The following KNL1 variants were observed in gnomAD, a reference collection of about 807,000 sequenced individuals.
The protein encoded by KNL1 is outer kinetochore KNL1 complex subunit KNL1.
Under a neutral mutation model 201.3 loss-of-function variants are expected in KNL1, and 66 were observed. That is an observed-to-expected ratio of 0.33 (90% confidence interval 0.27 to 0.40). The LOEUF is 0.40. Ranked by LOEUF, KNL1 falls within the 10% of genes least tolerant of loss-of-function variation. The pLI, the probability that KNL1 is intolerant of heterozygous loss-of-function variation, is 1.00. For synonymous variants in KNL1, 895 were observed against 899.2 expected (o/e 1.00, Z 0.08); for missense variants, 2,815 against 2,690.5 (o/e 1.05, Z -1.02).
At chr15:40,608,431 TG>T (rs1231117655) in intron 4 of KNL1, among the ~76,000 whole-genome samples, 2 of 126,272 alleles carry the variant, frequency 1.6e-5, no homozygotes, top group East Asian at 2.2e-4. Flanking sequence ...AAAACCGTCT[TG>T]GAAAAAAAAA....
intron 23 of KNL1, 41 bp downstream of exon 23, chr15:40,657,192 T>A (rs765413719): frequency 1.5e-6 from 2 of 1,309,172 alleles, no homozygotes; most frequent in Non-Finnish European, 1.1e-6. Context: ...ATTTGTGATA[T>A]CTTTCCAAAA....
At chr15:40,619,287 G>C (rs1408774858) in intron 9 of KNL1, among the ~76,000 whole-genome samples, 1 of 151,458 alleles carries the variant, frequency 6.6e-6, no homozygotes, top group East Asian at 1.9e-4. Context: ...CAAGTCCATA[G>C]GCCATACTTT....
At chr15:40,628,731 C>T (rs1053384691) in intron 12 of KNL1, 53 bp downstream of exon 12, 255 of 1,166,596 alleles carry the variant, frequency 2.2e-4, no homozygotes, top group Middle Eastern at 1.2e-3. Context: ...GAGGTTTAAA[C>T]GTCTCATTTC....
At chr15:40,659,079 G>A (rs1266316684) in intron 24 of KNL1, among the ~76,000 whole-genome samples, 1 of 152,078 alleles carries the variant, frequency 6.6e-6, no homozygotes, top group Admixed American at 6.6e-5. Flanking sequence ...CTGAGGTCAG[G>A]AGTTTGAGGC....
chr15:40,610,344 T>G (rs1438703329), intron 6 of KNL1, 47 bp downstream of exon 6: 1 of 963,058 alleles, frequency 1.0e-6, no homozygotes, highest in Non-Finnish European at 1.7e-6. Context: ...TTTAAAAAAT[T>G]TTACTGTAGC....
At chr15:40,638,246 AGGGAGGG>A (rs1302395771) in intron 13 of KNL1, among the ~76,000 whole-genome samples, 1 of 50,118 alleles carries the variant, frequency 2.0e-5, no homozygotes, top group African/African-American at 7.9e-5. Flanking sequence ...GGGGAGGGGA[AGGGAGGG>A]GGGAGGGGGA....
intron 1 of KNL1, among the ~76,000 whole-genome samples, chr15:40,602,707 A>G (rs1336919626): frequency 6.8e-6 from 1 of 146,016 alleles, no homozygotes; most frequent in Non-Finnish European, 1.5e-5. Context: ...CTGATCTCAA[A>G]CTTCTGACCT....
intron 22 of KNL1, among the ~76,000 whole-genome samples, chr15:40,655,823 G>A (rs1464869773): frequency 6.6e-6 from 1 of 151,672 alleles, no homozygotes; most frequent in Non-Finnish European, 1.5e-5. Context: ...GGCTGAGGCA[G>A]GAGAATGGCG....
chr15:40,611,853 TTCA>T (rs1194050039), intron 7 of KNL1, among the ~76,000 whole-genome samples: 7 of 152,170 alleles, frequency 4.6e-5, no homozygotes, highest in African/African-American at 1.7e-4. Context: ...GTTATCTTTA[TTCA>T]TCATAAGAGA....
Position 40,651,477 on chromosome 15 carries a change from C to T in KNL1, c.6219C>T (p.Leu2073=). ...KTEEEELQRN[L]LELEVQKEQT... ...TACCTGCTTTTATTTGCAGAAATCT[C>T]TTAGAACTGGAGGTACAAAAAGAGC... The change falls in exon 20 of 26, where the codon CTC becomes CTT. Residue 2073 remains leucine (L), a synonymous_variant. Coordinates refer to ENST00000399668, the MANE Select transcript of KNL1 (RefSeq NM_144508.5). The T allele has an allele frequency of 1.9e-6, 3 of 1,595,140 alleles. No homozygotes were observed. Among genetic ancestry groups the T allele is most frequent in the East Asian group, 2.2e-5 (1 of 44,532 alleles).
At position 40,625,294 on chromosome 15, in the gene KNL1, A is replaced by G; in HGVS notation, c.5030A>G (p.Asp1677Gly). ...GATGACCTGGAACAGATTCCAGCAG[A>G]CACAACTGATATAAATCACTTAGAA... ...GIDDLEQIPADTTDINHLETQ... is the reference protein window; with the variant it reads ...GIDDLEQIPAGTTDINHLETQ... The change falls in exon 10 of 26, where the codon GAC becomes GGC. Residue 1677 changes from aspartate (D) to glycine (G), a missense_variant. By Grantham distance (94) the Asp-to-Gly change is moderately conservative. Around this residue, in one of 3 missense-constraint regions of KNL1, gnomAD observed 2,464 missense variants for 2,291.7 expected, o/e 1.08. Coordinates refer to ENST00000399668, the MANE Select transcript of KNL1 (RefSeq NM_144508.5). The G allele has an allele frequency of 6.2e-7, 1 of 1,614,128 alleles. No individual in the cohort carries two copies. The highest frequency in any genetic ancestry group is 1.1e-5 in the South Asian group (1 of 91,082).
Position 40,624,747 on chromosome 15 carries a change from A to C in KNL1, c.4483A>C (p.Ser1495Arg), listed in dbSNP as rs781736494. The C allele has an allele frequency of 1.2e-6, 2 of 1,613,924 alleles. No homozygotes were observed. Among genetic ancestry groups the C allele is most frequent in the East Asian group, 4.5e-5 (2 of 44,864 alleles). ...TGAAAACAAGCCCAAAATACTCAAT[A>C]GTGAGGAATGGTTTGCTGCAGCCTG... The part of the protein sequence containing the change: ...ICENKPKILN[S>R]EEWFAAACKK... The change falls in exon 10 of 26, where the codon AGT becomes CGT. Residue 1495 changes from serine to arginine, a missense_variant. Physicochemically the swap from Ser to Arg is moderately radical, Grantham distance 110 (BLOSUM62 -1). Around this residue, in one of 3 missense-constraint regions of KNL1, gnomAD observed 2,464 missense variants for 2,291.7 expected, o/e 1.08. Coordinates refer to ENST00000399668, the MANE Select transcript of KNL1 (RefSeq NM_144508.5).
chr15:40,622,709 A>G lies in KNL1; in HGVS notation c.2445A>G (p.Lys815=), dbSNP rs767404211. 3 of 1,591,082 alleles carry G rather than the reference A, an allele frequency of 1.9e-6. No homozygotes were observed. The highest frequency in any genetic ancestry group is 4.5e-5 in the East Asian group (2 of 44,804). The change falls in exon 10 of 26, where the codon AAA becomes AAG. Residue 815 remains lysine, a synonymous_variant. Transcript: ENST00000399668. Reference sequence around the variant, plus strand: ...AATGTGGTAAAAGTCCCATAGAAAAAAGTGGAGTGCTTAAATCTAACTGTA... The same window carrying G: ...AATGTGGTAAAAGTCCCATAGAAAAGAGTGGAGTGCTTAAATCTAACTGTA... ...VEKCGKSPIE[K]SGVLKSNCIM...
intron 13 of KNL1, among the ~76,000 whole-genome samples, chr15:40,637,555 G>T (rs922966026): frequency 5.3e-5 from 8 of 152,108 alleles, no homozygotes; most frequent in African/African-American, 1.9e-4. Flanking sequence ...TTTGAGTGCT[G>T]ACGTGACACC....
intron 16 of KNL1, among the ~76,000 whole-genome samples, chr15:40,646,188 A>G (rs1458045606): frequency 6.6e-6 from 1 of 152,212 alleles, no homozygotes; most frequent in Non-Finnish European, 1.5e-5. Context: ...TCCATTGGCA[A>G]GTAAGTATGG....
intron 1 of KNL1, among the ~76,000 whole-genome samples, 176 bp downstream of exon 1, chr15:40,594,568 C>T (rs2141688028): frequency 6.6e-6 from 1 of 152,316 alleles, no homozygotes; most frequent in East Asian, 1.9e-4. Context: ...CCCTTTTTCC[C>T]CTCCTCGGCC....
chr15:40,607,940 T>G (rs979118856), intron 4 of KNL1, among the ~76,000 whole-genome samples: 11 of 152,226 alleles, frequency 7.2e-5, no homozygotes, highest in Non-Finnish European at 1.5e-4. Flanking sequence ...ACAATTCCAC[T>G]TCTGGATATA....
Position 40,625,275 on chromosome 15 carries a change from C to T in KNL1, c.5011C>T (p.Leu1671=). Residue 1671 remains leucine (L), a synonymous_variant, in exon 10 of 26, where the codon CTG becomes TTG. Transcript: ENST00000399668. Reference sequence around the variant, plus strand: ...TTGTAGTGTCACTGGTATTGATGACCTGGAACAGATTCCAGCAGACACAAC... The same window carrying T: ...TTGTAGTGTCACTGGTATTGATGACTTGGAACAGATTCCAGCAGACACAAC... ...RNCSVTGIDD[L]EQIPADTTDI... 6.2e-7 allele frequency: 1 copy of T among 1,614,066 alleles called. No individual in the cohort carries two copies. Among genetic ancestry groups the T allele is most frequent in the Non-Finnish European group, 8.5e-7 (1 of 1,179,980 alleles).
chr15:40,647,473 C>CA (rs926509422), intron 17 of KNL1, among the ~76,000 whole-genome samples: 1 of 150,822 alleles, frequency 6.6e-6, no homozygotes, highest in Non-Finnish European at 1.5e-5. Context: ...GACTCCATCT[C>CA]AAAAAAAATA....
Sources: allele counts gnomAD v4.1 joint callset (sites outside exome capture counted in the v4.1 genomes callset), GRCh38; gene constraint gnomAD v4.1.1; regional missense constraint gnomAD v4.1.1; transcripts MANE v1.5; gene names NCBI Gene and HGNC (gene_info 2026-07-23, HGNC 2026-07-21).